Variants in CSMD1 observed in about 807,000 individuals in gnomAD.
CSMD1 encodes the protein CUB and sushi domain-containing protein 1.
CSMD1 carries 213 observed loss-of-function variants against 417.5 expected under a neutral mutation model. The observed-to-expected ratio is 0.51, with a 90% CI of 0.46 to 0.57. CSMD1 has a LOEUF of 0.57. Ranked by LOEUF, CSMD1 falls within the 20% of genes least tolerant of loss-of-function variation. CSMD1 has a pLI of 0.00. For missense variants in CSMD1, 6,923 were observed against 4,529.7 expected, an observed-to-expected ratio of 1.53 and a Z score of -15.17; for synonymous variants, 2,862 against 1,736.8, an observed-to-expected ratio of 1.65 and a Z score of -16.11.
intron 11 of CSMD1, among the ~76,000 whole-genome samples, chr8:3,471,012 A>G (rs748806065): frequency 4.5e-4 from 69 of 152,272 alleles, no homozygotes; most frequent in Non-Finnish European, 9.1e-4. Flanking sequence ...GTGAGCATAA[A>G]TCTTCATTTA....
intron 5 of CSMD1, among the ~76,000 whole-genome samples, chr8:3,883,206 G>C (rs139365857): frequency 3.5e-4 from 53 of 152,234 alleles, no homozygotes; most frequent in African/African-American, 1.1e-3. Flanking sequence ...CAATTTACTA[G>C]ATACGTGTCC....
chr8:4,594,161 T>C (rs1800137400), intron 2 of CSMD1, among the ~76,000 whole-genome samples: 1 of 151,788 alleles, frequency 6.6e-6, no homozygotes, highest in East Asian at 1.9e-4. Flanking sequence ...CCACTCCAAT[T>C]ACCTCATTTT....
At chr8:4,081,093 G>A (rs1585271651) in intron 3 of CSMD1, among the ~76,000 whole-genome samples, 1 of 152,278 alleles carries the variant, frequency 6.6e-6, no homozygotes, top group South Asian at 2.1e-4. Context: ...TTTGGAAGCA[G>A]AGAGATTGGA....
At chr8:4,903,864 C>A (rs142263731) in intron 1 of CSMD1, among the ~76,000 whole-genome samples, 93 of 152,274 alleles carry the variant, frequency 6.1e-4, no homozygotes, top group African/African-American at 2.0e-3. Context: ...TTAACCACAT[C>A]AGCTGCATGG....
intron 7 of CSMD1, among the ~76,000 whole-genome samples, chr8:3,647,750 G>C (rs527310997): frequency 4.2e-4 from 64 of 152,334 alleles, no homozygotes; most frequent in African/African-American, 1.5e-3. Flanking sequence ...GGGAGACACA[G>C]AGAGTGAGAC....
intron 5 of CSMD1, among the ~76,000 whole-genome samples, chr8:3,921,446 G>A (rs947525879): frequency 6.6e-6 from 1 of 151,580 alleles, no homozygotes. Flanking sequence ...TTTGAGCTTG[G>A]TTTGTTCTTT....
At chr8:3,214,448 A>AT (rs1563149806) in intron 30 of CSMD1, 49 bp downstream of exon 30, 1 of 1,428,802 alleles carries the variant, frequency 7.0e-7, no homozygotes, top group East Asian at 2.5e-5. Flanking sequence ...GAGATGCTGC[A>AT]TTTTAAAGGA....
chr8:4,902,388 G>T (rs1804941377), intron 1 of CSMD1, among the ~76,000 whole-genome samples: 1 of 149,302 alleles, frequency 6.7e-6, no homozygotes, highest in Admixed American at 6.7e-5. Flanking sequence ...AGTGACCCAT[G>T]ATTGTGCCAC....
chr8:4,136,772 T>C (rs976448586), intron 3 of CSMD1, among the ~76,000 whole-genome samples: 1 of 152,218 alleles, frequency 6.6e-6, no homozygotes, highest in African/African-American at 2.4e-5. Context: ...ACTTTTATAA[T>C]GATTAGTTTG....
intron 1 of CSMD1, among the ~76,000 whole-genome samples, chr8:4,746,616 C>T (rs1370252579): frequency 6.6e-6 from 1 of 152,196 alleles, no homozygotes; most frequent in Non-Finnish European, 1.5e-5. Context: ...TCCACCACAG[C>T]TGGGTAGGAT....
chr8:4,084,124 T>C (rs1800294682), intron 3 of CSMD1, among the ~76,000 whole-genome samples: 1 of 152,160 alleles, frequency 6.6e-6, no homozygotes, highest in Non-Finnish European at 1.5e-5. Context: ...ACAATATGTC[T>C]GCTCTTATGA....
At chr8:4,552,599 G>C (rs1414796648) in intron 2 of CSMD1, among the ~76,000 whole-genome samples, 1 of 151,950 alleles carries the variant, frequency 6.6e-6, no homozygotes, top group African/African-American at 2.4e-5. Flanking sequence ...TGGACTTCTG[G>C]AATCACAGTG....
intron 1 of CSMD1, among the ~76,000 whole-genome samples, chr8:4,677,387 A>G (rs1805764918): frequency 6.6e-6 from 1 of 152,092 alleles, no homozygotes; most frequent in East Asian, 1.9e-4. Flanking sequence ...GAGTTTCAAC[A>G]TAAGGCATTT....
At chr8:3,140,673 C>A (rs923674456) in intron 41 of CSMD1, among the ~76,000 whole-genome samples, 3 of 151,650 alleles carry the variant, frequency 2.0e-5, no homozygotes, top group Non-Finnish European at 2.9e-5. Context: ...AATATCAAAG[C>A]CCTGTTTCTA....
At chr8:4,274,407 A>G (rs548058786) in intron 3 of CSMD1, among the ~76,000 whole-genome samples, 39 of 152,284 alleles carry the variant, frequency 2.6e-4, no homozygotes, top group African/African-American at 8.7e-4. Context: ...AACGTGCTCA[A>G]AATGTCTCTG....
chr8:3,754,548 G>A (rs1038896769), intron 5 of CSMD1, among the ~76,000 whole-genome samples: 9 of 152,068 alleles, frequency 5.9e-5, no homozygotes, highest in Admixed American at 3.3e-4. Flanking sequence ...TCCGCCTCCT[G>A]GGTTCAAGCG....
chr8:4,593,092 C>A (rs1263602828), intron 2 of CSMD1, among the ~76,000 whole-genome samples: 1 of 152,104 alleles, frequency 6.6e-6, no homozygotes, highest in African/African-American at 2.4e-5. Flanking sequence ...CATAATGCAT[C>A]CGGGCCATTT....
At chr8:4,448,381 T>C (rs996705089) in intron 2 of CSMD1, among the ~76,000 whole-genome samples, 2 of 152,168 alleles carry the variant, frequency 1.3e-5, no homozygotes, top group African/African-American at 4.8e-5. Flanking sequence ...AACACGCCAG[T>C]TGTCCAACTC....
At chr8:2,963,745 G>C (rs1345957760) in intron 59 of CSMD1, among the ~76,000 whole-genome samples, 1 of 152,110 alleles carries the variant, frequency 6.6e-6, no homozygotes, top group East Asian at 1.9e-4. Context: ...ATGAGGATTT[G>C]GTCAGATGAC....
Sources: gnomAD v4.1 joint callset for allele counts (sites outside exome capture counted in the v4.1 genomes callset) on GRCh38, gnomAD v4.1.1 for gene constraint, MANE v1.5 for transcripts, NCBI Gene and HGNC (gene_info 2026-07-23, HGNC 2026-07-21) for gene names.